The following ZFPM2 variants were observed in gnomAD, a reference collection of about 807,000 sequenced individuals.
ZFPM2 encodes zinc finger protein ZFPM2.
ZFPM2 carries 20 observed loss-of-function variants against 98.6 expected under a neutral mutation model. The observed-to-expected ratio is 0.20, with a 90% CI of 0.14 to 0.29. The LOEUF is 0.29. ZFPM2 is among the 10% of genes least tolerant of loss of function. The pLI is 1.00. For missense variants in ZFPM2, 1,310 were observed against 1,388.6 expected (o/e 0.94, Z 0.90); for synonymous variants, 518 against 502.7 (o/e 1.03, Z -0.41).
At chr8:105,711,203 T>G (rs1436506038) in intron 5 of ZFPM2, among the ~76,000 whole-genome samples, 1 of 152,120 alleles carries the variant, frequency 6.6e-6, no homozygotes, top group African/African-American at 2.4e-5. Context: ...ATATTCAGTA[T>G]ATGCATCCTT....
intron 4 of ZFPM2, among the ~76,000 whole-genome samples, chr8:105,622,941 G>A (rs912206116): frequency 1.4e-4 from 21 of 152,182 alleles, no homozygotes; most frequent in African/African-American, 4.8e-4. Context: ...TTTTCATAAT[G>A]TGTGTTCTTA....
At chr8:105,417,725 T>C (rs374834523) in intron 1 of ZFPM2, among the ~76,000 whole-genome samples, 3 of 152,194 alleles carry the variant, frequency 2.0e-5, no homozygotes, top group South Asian at 2.1e-4. Flanking sequence ...TAATATGAGA[T>C]GCATGACTTT....
At chr8:105,747,591 T>C (rs1812377246) in intron 5 of ZFPM2, among the ~76,000 whole-genome samples, 1 of 152,062 alleles carries the variant, frequency 6.6e-6, no homozygotes, top group Non-Finnish European at 1.5e-5. Flanking sequence ...GCCATATTTT[T>C]TATACTTCCT....
At chr8:105,586,405 A>AT (rs147459160) in intron 4 of ZFPM2, among the ~76,000 whole-genome samples, 25,438 of 151,508 alleles carry the variant, frequency 0.17, 2,406 homozygotes, top group Middle Eastern at 0.24. Context: ...TTGTGCTGGA[A>AT]TTTTTTTATT....
intron 5 of ZFPM2, among the ~76,000 whole-genome samples, chr8:105,708,447 G>A (rs1027791521): frequency 6.6e-6 from 1 of 151,672 alleles, no homozygotes; most frequent in African/African-American, 2.4e-5. Flanking sequence ...TTGTTTGTTT[G>A]TTTGTTTTGT....
chr8:105,469,896 C>T (rs1396220931), intron 3 of ZFPM2, among the ~76,000 whole-genome samples: 2 of 152,144 alleles, frequency 1.3e-5, no homozygotes, highest in African/African-American at 4.8e-5. Context: ...AAGGGCATAA[C>T]AAAGTGCCTG....
intron 5 of ZFPM2, among the ~76,000 whole-genome samples, chr8:105,744,348 C>G (rs534044356): frequency 5.9e-5 from 9 of 152,220 alleles, no homozygotes; most frequent in Admixed American, 5.9e-4. Flanking sequence ...GGATTAGGAA[C>G]CATGGTCTCA....
At chr8:105,382,191 C>T (rs1810902062) in intron 1 of ZFPM2, among the ~76,000 whole-genome samples, 1 of 151,956 alleles carries the variant, frequency 6.6e-6, no homozygotes, top group Non-Finnish European at 1.5e-5. Context: ...ACAAATTATA[C>T]TTCTATTATT....
chr8:105,417,722 A>T (rs1160156040), intron 1 of ZFPM2, among the ~76,000 whole-genome samples: 1 of 152,186 alleles, frequency 6.6e-6, no homozygotes, highest in East Asian at 1.9e-4. Context: ...ATCTAATATG[A>T]GATGCATGAC....
intron 6 of ZFPM2, among the ~76,000 whole-genome samples, chr8:105,794,515 C>G (rs1401364659): frequency 6.6e-5 from 10 of 152,200 alleles, no homozygotes; most frequent in Admixed American, 6.5e-4. Context: ...AGTTAGGCTG[C>G]TCAGGGGTCA....
At chr8:105,485,007 C>G (rs888243261) in intron 3 of ZFPM2, among the ~76,000 whole-genome samples, 4 of 152,192 alleles carry the variant, frequency 2.6e-5, no homozygotes, top group African/African-American at 7.2e-5. Context: ...TGCTGACATT[C>G]TTTCAGGAAG....
chr8:105,656,023 T>TG (rs1817277945), intron 5 of ZFPM2, among the ~76,000 whole-genome samples: 2 of 152,168 alleles, frequency 1.3e-5, no homozygotes, highest in South Asian at 4.1e-4. Flanking sequence ...GATACATGCC[T>TG]GGCAATTTCT....
chr8:105,669,946 G>A (rs1481333961), intron 5 of ZFPM2: 1 of 152,086 alleles, frequency 6.6e-6, no homozygotes, highest in Non-Finnish European at 1.5e-5. Flanking sequence ...AACTTTGAGA[G>A]CATGCAAGCC....
At chr8:105,723,797 C>T (rs1335157532) in intron 5 of ZFPM2, among the ~76,000 whole-genome samples, 4 of 151,802 alleles carry the variant, frequency 2.6e-5, no homozygotes, top group Non-Finnish European at 5.9e-5. Context: ...AATCCTGGTG[C>T]TTGCTTTTCT....
chr8:105,582,354 G>T (rs982404456), intron 4 of ZFPM2, among the ~76,000 whole-genome samples: 5 of 152,124 alleles, frequency 3.3e-5, no homozygotes, highest in Non-Finnish European at 1.5e-5. Flanking sequence ...GTGCCCCAAG[G>T]GACACAGAGG....
At chr8:105,549,561 T>TCC (rs774434456) in intron 3 of ZFPM2, among the ~76,000 whole-genome samples, 48,862 of 128,172 alleles carry the variant, frequency 0.38, 10,895 homozygotes, top group African/African-American at 0.53. Context: ...CTTCCTTCCT[T>TCC]TCTTCCTTCC....
intron 4 of ZFPM2, among the ~76,000 whole-genome samples, chr8:105,624,433 A>G (rs554895848): frequency 6.6e-6 from 1 of 152,274 alleles, no homozygotes; most frequent in East Asian, 1.9e-4. Flanking sequence ...TATGTGGGGA[A>G]CAGATGAGGC....
chr8:105,323,611 C>T (rs895438370), intron 1 of ZFPM2, among the ~76,000 whole-genome samples: 1 of 151,720 alleles, frequency 6.6e-6, no homozygotes, highest in African/African-American at 2.4e-5. Flanking sequence ...AATATCAATG[C>T]ATAGATTTTT....
intron 4 of ZFPM2, among the ~76,000 whole-genome samples, chr8:105,567,455 A>G (rs1168635983): frequency 3.3e-5 from 5 of 151,500 alleles, no homozygotes; most frequent in Non-Finnish European, 7.3e-5. Context: ...ATTGTCTGTT[A>G]GAGTTTGGCA....
Sources: gnomAD v4.1 joint callset for allele counts (sites outside exome capture counted in the v4.1 genomes callset) on GRCh38, gnomAD v4.1.1 for gene constraint, MANE v1.5 for transcripts, NCBI Gene and HGNC (gene_info 2026-07-23, HGNC 2026-07-21) for gene names.